The following GPLD1 variants were observed in gnomAD, a reference collection of about 807,000 sequenced individuals.
The protein encoded by GPLD1 is phosphatidylinositol-glycan-specific phospholipase D.
In GPLD1, 84 loss-of-function variants were observed where a neutral mutation model predicts 112.6. That is an observed-to-expected ratio of 0.75 (90% CI 0.63 to 0.89). The LOEUF is 0.89. Among genes scored for constraint, GPLD1 ranks in the 40% least tolerant of loss-of-function variants. GPLD1 has a pLI of 0.00. For missense variants in GPLD1, 1,044 were observed against 1,051.5 expected, an observed-to-expected ratio of 0.99 and a Z score of 0.10; for synonymous variants, 386 against 403.8, an observed-to-expected ratio of 0.96 and a Z score of 0.53.
intron 2 of GPLD1, among the ~76,000 whole-genome samples, chr6:24,483,111 C>A (rs1308176634): frequency 2.0e-5 from 3 of 150,806 alleles, no homozygotes; most frequent in South Asian, 2.1e-4. Context: ...GCGGATCACT[C>A]GAGGTCAGGA....
chr6:24,463,191 T>TA (rs11433455), intron 10 of GPLD1, among the ~76,000 whole-genome samples: 76,670 of 151,770 alleles, frequency 0.51, 20,129 homozygotes, highest in African/African-American at 0.62. Context: ...TTCATTTCTT[T>TA]AAAAAAAATT....
chr6:24,486,199 T>A, intron 1 of GPLD1, 69 bp from the exon 2 acceptor site: 1 of 943,696 alleles, frequency 1.1e-6, no homozygotes, highest in Non-Finnish European at 1.7e-6. Flanking sequence ...GGCGAGATGA[T>A]TTTAAAAGAA....
chr6:24,446,237 T>C (rs146813121), intron 18 of GPLD1, among the ~76,000 whole-genome samples: 8 of 152,128 alleles, frequency 5.3e-5, no homozygotes, highest in East Asian at 3.9e-4. Flanking sequence ...CCTGATCCAA[T>C]AGGACTGGTG....
intron 7 of GPLD1, among the ~76,000 whole-genome samples, chr6:24,468,991 T>C (rs1262056766): frequency 2.6e-5 from 4 of 152,240 alleles, no homozygotes; most frequent in African/African-American, 9.6e-5. Flanking sequence ...GTTTACAGTA[T>C]AAAGCAATGA....
At chr6:24,429,536 G>A (rs74293232) in intron 24 of GPLD1, among the ~76,000 whole-genome samples, 18,236 of 152,166 alleles carry the variant, frequency 0.12, 1,430 homozygotes, top group East Asian at 0.16. Flanking sequence ...AAAACCTGCT[G>A]CAAGTTTTTA....
chr6:24,473,738 C>G, intron 5 of GPLD1, 71 bp from the exon 6 acceptor site: 1 of 993,044 alleles, frequency 1.0e-6, no homozygotes, highest in Non-Finnish European at 1.6e-6. Flanking sequence ...CACAGTCAAG[C>G]AAGTGGTGGG....
At chr6:24,436,870 C>T (rs1368511131) in intron 21 of GPLD1, 134 bp from the exon 22 acceptor site, 2 of 909,612 alleles carry the variant, frequency 2.2e-6, no homozygotes, top group Non-Finnish European at 3.3e-6. Flanking sequence ...GTGATTTCAT[C>T]CTGGCAAAGG....
At chr6:24,491,253 C>G (rs1016583856), upstream of GPLD1, among the ~76,000 whole-genome samples, 3 of 152,144 alleles carry the variant, frequency 2.0e-5, no homozygotes, top group East Asian at 5.8e-4. Flanking sequence ...ACAGACTGTG[C>G]GTGAGGGAGT....
intron 5 of GPLD1, 79 bp downstream of exon 5, chr6:24,475,042 T>C: frequency 2.6e-6 from 2 of 781,394 alleles, no homozygotes; most frequent in Non-Finnish European, 4.6e-6. Flanking sequence ...TTTCCTTTCT[T>C]TTAAAACGGT....
chr6:24,479,375 C>A (rs1764126088), intron 3 of GPLD1, among the ~76,000 whole-genome samples: 1 of 152,210 alleles, frequency 6.6e-6, no homozygotes, highest in South Asian at 2.1e-4. Context: ...TTTCATGTTT[C>A]TTTCCTCTTT....
chr6:24,442,961 ACT>A (rs1390541362), intron 20 of GPLD1, among the ~76,000 whole-genome samples: 1 of 152,142 alleles, frequency 6.6e-6, no homozygotes, highest in Non-Finnish European at 1.5e-5. Context: ...AGTTTGAGAA[ACT>A]CTAATTCACA....
Position 24,429,131 on chromosome 6 carries a change from C to T in GPLD1, c.2437-13G>A. On this transcript the variant is annotated splice_polypyrimidine_tract_variant and intron_variant, in intron 24 of 24. Transcript: ENST00000230036. ...TGACGACTTGGTTCTGTAAGGGACA[C>T]AAGACAGAATTCATGGCTCATTCAT... 2 of 1,582,008 alleles carry T rather than the reference C, an allele frequency of 1.3e-6. No homozygotes were observed. Among genetic ancestry groups the T allele is most frequent in the Admixed American group, 1.7e-5 (1 of 59,778 alleles).
intron 24 of GPLD1, 63 bp from the exon 25 acceptor site, chr6:24,429,181 G>T: frequency 1.0e-6 from 1 of 998,734 alleles, no homozygotes; most frequent in Non-Finnish European, 1.6e-6. Flanking sequence ...TCCTATGGTA[G>T]TCCAGGCATC....
rs1052306960 is a variant in GPLD1, at chr6:24,427,593, C to T, written c.*1439G>A. Among the ~76,000 whole-genome samples the T allele has an allele frequency of 6.6e-6, 1 of 152,092 alleles. No homozygotes were observed. The highest frequency in any genetic ancestry group is 1.5e-5 in the Non-Finnish European group (1 of 68,012). On this transcript the variant is annotated 3_prime_UTR_variant, in exon 25 of 25. Coordinates refer to ENST00000230036, the MANE Select transcript of GPLD1 (RefSeq NM_001503.4). ...AGGTCCTGTGGCTCACACATGTAAT[C>T]CCAGCACTTTGGGAGGTCAAGGTGG...
upstream of GPLD1, among the ~76,000 whole-genome samples, chr6:24,494,497 G>A (rs1561865024): frequency 6.6e-6 from 1 of 152,160 alleles, no homozygotes; most frequent in Non-Finnish European, 1.5e-5. Context: ...TACGTGCTCA[G>A]GAGCTACAAC....
chr6:24,434,665 G>A (rs980186840), intron 22 of GPLD1, among the ~76,000 whole-genome samples: 5 of 151,418 alleles, frequency 3.3e-5, no homozygotes, highest in Non-Finnish European at 5.9e-5. Flanking sequence ...GTGAAACCCC[G>A]TTTCTACTAA....
chr6:24,494,257 T>A (rs138240113), upstream of GPLD1, among the ~76,000 whole-genome samples: 1 of 152,072 alleles, frequency 6.6e-6, no homozygotes, highest in Admixed American at 6.5e-5. Flanking sequence ...CAAAATGGGG[T>A]AGATATGGTT....
intron 6 of GPLD1, 125 bp from the exon 7 acceptor site, chr6:24,472,761 G>T: frequency 4.1e-5 from 25 of 614,196 alleles, no homozygotes; most frequent in South Asian, 1.4e-4. Flanking sequence ...TTTGTTCATT[G>T]TTTTAGGTAA....
At chr6:24,482,255 C>A (rs903361169) in intron 2 of GPLD1, among the ~76,000 whole-genome samples, 2 of 151,110 alleles carry the variant, frequency 1.3e-5, no homozygotes, top group Non-Finnish European at 2.9e-5. Context: ...CACTGGCCTC[C>A]ACACCTGGCT....
Sources: gnomAD v4.1 joint callset for allele counts (sites outside exome capture counted in the v4.1 genomes callset) on GRCh38, gnomAD v4.1.1 for gene constraint, MANE v1.5 for transcripts, NCBI Gene and HGNC (gene_info 2026-07-23, HGNC 2026-07-21) for gene names.